Variants in MAPK8IP3 observed in about 807,000 individuals in gnomAD.
MAPK8IP3 encodes mitogen-activated protein kinase 8 interacting protein 3.
A neutral mutation model predicts 157.8 loss-of-function variants in MAPK8IP3; 49 were observed. The observed-to-expected ratio is 0.31, with a 90% CI of 0.25 to 0.39. MAPK8IP3 has a LOEUF of 0.39. Ranked by LOEUF, MAPK8IP3 falls within the 10% of genes least tolerant of loss-of-function variation. The probability of loss-of-function intolerance (pLI) is 1.00; values close to 1 mark genes in which losing one functional copy is unlikely to be tolerated. For synonymous variants in MAPK8IP3, 897 were observed against 777.7 expected (o/e 1.15, Z -2.55); for missense variants, 1,478 against 1,889.4 (o/e 0.78, Z 4.04).
intron 4 of MAPK8IP3, among the ~76,000 whole-genome samples, chr16:1,733,319 G>A (rs565264909): frequency 6.6e-5 from 10 of 152,204 alleles, no homozygotes; most frequent in Non-Finnish European, 1.5e-4. Context: ...GACGCCGGCC[G>A]AGAGCCCAGG....
chr16:1,768,524 G>C lies in MAPK8IP3; in HGVS notation c.3790G>C (p.Glu1264Gln). ...TGGGAGTGTGCTGGACAGCCCAGCC[G>C]AGGGCCCTGGGCCAGCTGCCCCTGC... ...LNGSVLDSPA[E>Q]GPGPAAPASE... Residue 1264 changes from glutamate (E) to glutamine (Q), a missense_variant, in exon 31 of 32, where the codon GAG (glutamate) becomes CAG (glutamine). Glu to Gln is a conservative substitution (Grantham distance 29). Coordinates refer to ENST00000610761, the MANE Select transcript of MAPK8IP3 (RefSeq NM_001318852.2). The C allele has an allele frequency of 1.3e-6, 2 of 1,558,742 alleles. No individual in the cohort carries two copies. Among genetic ancestry groups the C allele is most frequent in the Non-Finnish European group, 1.7e-6 (2 of 1,153,490 alleles).
In MAPK8IP3 at chr16:1,707,175, T is replaced by A. The variant is rs898286856; in HGVS notation, c.318+518T>A. On this transcript the variant is annotated intron_variant, in intron 1 of 31. Coordinates refer to ENST00000610761, the MANE Select transcript of MAPK8IP3 (RefSeq NM_001318852.2). ...ATTCTAAACCCATCTAGAAAAGGAA[T>A]CTTTTGGTGTTCTTAGGGGGCTGCA... is the stretch of plus-strand genomic sequence containing the variant. 3 of 154,300 alleles carry A rather than the reference T, an allele frequency of 1.9e-5. No homozygotes were observed. The East Asian group carries it at 5.8e-4, about 30-fold the overall frequency. The allele number at this position is 154,300 out of a possible 1,614,324, so 9.6% of individuals were successfully genotyped here. A position where few individuals can be genotyped will look rare whatever the true frequency, so the allele number is the denominator to read the frequency against.
At chr16:1,726,424 C>T (rs1396955961) in intron 2 of MAPK8IP3, among the ~76,000 whole-genome samples, 1 of 152,172 alleles carries the variant, frequency 6.6e-6, no homozygotes, top group Non-Finnish European at 1.5e-5. Flanking sequence ...CCCATAACTT[C>T]CACACTTTGG....
intron 20 of MAPK8IP3, 27 bp downstream of exon 20, chr16:1,765,205 C>G (rs1016782453): frequency 1.4e-5 from 22 of 1,572,428 alleles, no homozygotes; most frequent in Admixed American, 5.2e-5. Flanking sequence ...GGCGTTTCCA[C>G]TCGGGCGCCA....
chr16:1,768,392 C>T lies in MAPK8IP3; in HGVS notation c.3742+14C>T, dbSNP rs1243477980. Reference sequence around the variant, plus strand: ...TCTCGGTGCCAGGTGAGGCTGGGCCCCTCCTGCCATCCACATCCCCTGCAT... The same window carrying T: ...TCTCGGTGCCAGGTGAGGCTGGGCCTCTCCTGCCATCCACATCCCCTGCAT... On this transcript the variant is annotated intron_variant, in intron 30 of 31. Transcript: ENST00000610761. The T allele has an allele frequency of 1.3e-6, 2 of 1,598,380 alleles. No homozygotes were observed. Among genetic ancestry groups the T allele is most frequent in the African/African-American group, 1.3e-5 (1 of 75,012 alleles).
chr16:1,718,986 T>C (rs573413378), intron 1 of MAPK8IP3, among the ~76,000 whole-genome samples: 1 of 152,296 alleles, frequency 6.6e-6, no homozygotes, highest in Non-Finnish European at 1.5e-5. Flanking sequence ...GGAGGATTGC[T>C]TGAGCCCAGT....
intron 4 of MAPK8IP3, chr16:1,735,151 C>T (rs990447111): frequency 2.6e-5 from 4 of 151,306 alleles, no homozygotes; most frequent in African/African-American, 7.3e-5. Context: ...TCTTGGGTGC[C>T]TGTGTGTGGC....
intron 2 of MAPK8IP3, among the ~76,000 whole-genome samples, chr16:1,728,097 A>G (rs2039015111): frequency 6.6e-6 from 1 of 152,228 alleles, no homozygotes; most frequent in Non-Finnish European, 1.5e-5. Flanking sequence ...GGAGGCGGCC[A>G]TCAGGCCGGG....
intron 17 of MAPK8IP3, 84 bp from the exon 18 acceptor site, chr16:1,764,031 C>A: frequency 1.5e-6 from 2 of 1,355,394 alleles, no homozygotes; most frequent in Non-Finnish European, 1.0e-6. Context: ...CCGCCAGAAG[C>A]TGGCAGCCCT....
intron 4 of MAPK8IP3, among the ~76,000 whole-genome samples, chr16:1,740,690 T>G (rs559212227): frequency 3.3e-5 from 5 of 152,212 alleles, no homozygotes; most frequent in Admixed American, 6.5e-5. Context: ...GTCGCTGCCC[T>G]GCAGTCCTCG....
Position 1,766,284 on chromosome 16 carries a change from G to A in MAPK8IP3, c.2694G>A (p.Glu898=). 2 of 1,612,706 alleles carry A rather than the reference G, an allele frequency of 1.2e-6. No homozygotes were observed. The highest frequency in any genetic ancestry group is 1.3e-5 in the African/African-American group (1 of 75,070). Residue 898 remains glutamate (E), a synonymous_variant, in exon 22 of 32, where the codon GAG becomes GAA. Coordinates refer to ENST00000610761, the MANE Select transcript of MAPK8IP3 (RefSeq NM_001318852.2). ...NPSQSTEEAT[E]ATEVPDPGPS... ...CCCAGTCCACAGAGGAGGCCACAGA[G>A]GCCACGGAGGTGCCAGACCCTGGGC...
chr16:1,764,129 G>C lies in MAPK8IP3; in HGVS notation c.2040G>C (p.Gly680=). 6.2e-7 allele frequency: 1 copy of C among 1,609,984 alleles called. No homozygotes were observed. Among genetic ancestry groups the C allele is most frequent in the African/African-American group, 1.3e-5 (1 of 74,994 alleles). ...GCTCCCTGCAGCTGAGTCCCAACGG[G>C]GGCCAGGAGGACACGCGGATGAAGA... is the stretch of plus-strand genomic sequence containing the variant. ...PAKYKQLSPN[G]GQEDTRMKNV... is the part of the protein sequence containing the mutation. Residue 680 remains glycine, a synonymous_variant, in exon 18 of 32, where the codon GGG becomes GGC. Transcript: ENST00000610761.
At chr16:1,725,362 T>C (rs1200738333) in intron 2 of MAPK8IP3, among the ~76,000 whole-genome samples, 1 of 146,494 alleles carries the variant, frequency 6.8e-6, no homozygotes, top group African/African-American at 2.5e-5. Flanking sequence ...GCATGGTGGC[T>C]CACACCTGTA....
intron 4 of MAPK8IP3, among the ~76,000 whole-genome samples, chr16:1,736,639 CGTGTG>C (rs2039879756): frequency 4.6e-5 from 2 of 43,452 alleles, no homozygotes; most frequent in Non-Finnish European, 8.2e-5. Context: ...TCCGTGTGAG[CGTGTG>C]ACCGTCCGTG....
intron 4 of MAPK8IP3, among the ~76,000 whole-genome samples, chr16:1,739,593 ACCGT>A (rs2040482949): frequency 9.9e-6 from 1 of 101,298 alleles, no homozygotes; most frequent in Non-Finnish European, 1.9e-5. Flanking sequence ...TCCGTGTGTG[ACCGT>A]CCGTGTGAGC....
At chr16:1,725,043 A>C (rs1596575803) in intron 2 of MAPK8IP3, among the ~76,000 whole-genome samples, 1 of 152,088 alleles carries the variant, frequency 6.6e-6, no homozygotes, top group Non-Finnish European at 1.5e-5. Context: ...CTTCTCAGGC[A>C]GGAGGGTGGG....
intron 8 of MAPK8IP3, among the ~76,000 whole-genome samples, chr16:1,756,910 G>T (rs1331439698): frequency 2.0e-5 from 3 of 152,056 alleles, no homozygotes; most frequent in African/African-American, 7.2e-5. Context: ...CCAGAGAGAT[G>T]GATAATGGGG....
intron 4 of MAPK8IP3, among the ~76,000 whole-genome samples, chr16:1,735,583 G>C (rs1293383878): frequency 6.8e-6 from 1 of 148,042 alleles, no homozygotes; most frequent in Non-Finnish European, 1.5e-5. Context: ...GAGTCCGTGT[G>C]ACCATCCGTG....
Position 1,730,215 on chromosome 16 carries a change from C to T in MAPK8IP3, c.602+637C>T, listed in dbSNP as rs145755682. On this transcript the variant is annotated intron_variant, in intron 4 of 31. Transcript: ENST00000610761. ...GCTGGAGGCTGCAGTGATCTACAGT[C>T]GCGCCCCTGCACTCCCACCTGGGCA... 9.9e-5 allele frequency among the ~76,000 whole-genome samples: 15 copies of T among 152,118 alleles called. No individual in the cohort carries two copies. The East Asian group carries it at 1.4e-3, about 14-fold the overall frequency.
Sources: gnomAD v4.1 joint callset for allele counts (sites outside exome capture counted in the v4.1 genomes callset) on GRCh38, gnomAD v4.1.1 for gene constraint, MANE v1.5 for transcripts, NCBI Gene and HGNC (gene_info 2026-07-23, HGNC 2026-07-21) for gene names.